GALNTL6: variants seen among roughly 807,000 people sequenced by gnomAD.
GALNTL6 encodes polypeptide N-acetylgalactosaminyltransferase-like 6.
GALNTL6 carries 46 observed loss-of-function variants against 73.7 expected under a neutral mutation model. That is an observed-to-expected ratio of 0.62 (90% confidence interval 0.49 to 0.80). The LOEUF (loss-of-function observed/expected upper bound fraction) is 0.80, where lower values mean the gene tolerates loss of function less well. GALNTL6 is among the 30% of genes least tolerant of loss of function. The pLI is 0.00. For synonymous variants in GALNTL6, 259 were observed against 263.7 expected (o/e 0.98, Z 0.17); for missense variants, 604 against 755.0 (o/e 0.80, Z 2.34).
chr4:172,638,076 C>T (rs1739778342), intron 5 of GALNTL6, among the ~76,000 whole-genome samples: 1 of 152,128 alleles, frequency 6.6e-6, no homozygotes, highest in Non-Finnish European at 1.5e-5. Context: ...AGCAGTGGCT[C>T]ATGTCTCCCA....
intron 2 of GALNTL6, among the ~76,000 whole-genome samples, chr4:172,017,389 C>T (rs1452817372): frequency 1.3e-5 from 2 of 152,096 alleles, no homozygotes; most frequent in African/African-American, 4.8e-5. Flanking sequence ...AGGCATGGAT[C>T]TGGAGTGTGC....
intron 11 of GALNTL6, among the ~76,000 whole-genome samples, chr4:173,019,208 G>A (rs1752895806): frequency 6.6e-6 from 1 of 152,234 alleles, no homozygotes; most frequent in Non-Finnish European, 1.5e-5. Flanking sequence ...GAACAAGGCA[G>A]AAGAGAAGAA....
At chr4:172,935,391 CAA>C (rs1188518004) in intron 9 of GALNTL6, among the ~76,000 whole-genome samples, 2 of 152,026 alleles carry the variant, frequency 1.3e-5, no homozygotes, top group African/African-American at 4.8e-5. Context: ...CAAGAGCAAA[CAA>C]ATTCAAAAGC....
Position 172,600,169 on chromosome 4 carries a change from G to A in GALNTL6, c.554-209192G>A, listed in dbSNP as rs562372762. On this transcript the variant is annotated intron_variant, in intron 5 of 12. Coordinates refer to ENST00000506823, the MANE Select transcript of GALNTL6 (RefSeq NM_001034845.3). ...ATAGCAAATAGTTGTAATTTTTAACGTTGAATTACATCAGCTCTGTAGCCA... is the reference window on the plus strand; with the variant it reads ...ATAGCAAATAGTTGTAATTTTTAACATTGAATTACATCAGCTCTGTAGCCA... Among the ~76,000 whole-genome samples the A allele has an allele frequency of 5.9e-5, 9 of 152,008 alleles. No individual in the cohort carries two copies. The South Asian group carries it at 6.2e-4, about 11-fold the overall frequency.
chr4:172,301,266 GTCTAA>G (rs200365088), intron 3 of GALNTL6, among the ~76,000 whole-genome samples: 2,835 of 152,180 alleles, frequency 0.019, 79 homozygotes, highest in African/African-American at 0.063. Context: ...TTAGCTATTT[GTCTAA>G]TCTTTTTTCA....
intron 5 of GALNTL6, among the ~76,000 whole-genome samples, chr4:172,764,839 A>G (rs1738315332): frequency 1.3e-5 from 2 of 152,224 alleles, no homozygotes; most frequent in Admixed American, 6.5e-5. Flanking sequence ...TTTGTCTTAT[A>G]TAGACTACTG....
At chr4:172,010,512 T>A (rs1402054668) in intron 2 of GALNTL6, among the ~76,000 whole-genome samples, 1 of 152,092 alleles carries the variant, frequency 6.6e-6, no homozygotes, top group Non-Finnish European at 1.5e-5. Flanking sequence ...TTTTTTTCAC[T>A]TGTCCAAATG....
chr4:172,814,299 G>A (rs1741478082), intron 7 of GALNTL6, among the ~76,000 whole-genome samples: 1 of 152,104 alleles, frequency 6.6e-6, no homozygotes, highest in Non-Finnish European at 1.5e-5. Flanking sequence ...CCTGTACAGA[G>A]AAGAATGTAC....
At chr4:172,677,137 TA>T (rs954516737) in intron 5 of GALNTL6, among the ~76,000 whole-genome samples, 10 of 151,306 alleles carry the variant, frequency 6.6e-5, no homozygotes, top group East Asian at 1.9e-4. Context: ...CAGAAATAAC[TA>T]AAAAAAAATA....
chr4:172,228,608 G>A (rs769399682), intron 2 of GALNTL6, among the ~76,000 whole-genome samples: 3 of 151,988 alleles, frequency 2.0e-5, no homozygotes, highest in Non-Finnish European at 4.4e-5. Flanking sequence ...TTACCTCACT[G>A]AAATTATTCA....
At chr4:172,052,491 G>A (rs1326976303) in intron 2 of GALNTL6, 1 of 1,535,246 alleles carries the variant, frequency 6.5e-7, no homozygotes, top group South Asian at 1.2e-5. Context: ...AGGAATCCAA[G>A]CATTAGTGCA....
At chr4:171,911,456 C>T (rs756794142) in intron 2 of GALNTL6, among the ~76,000 whole-genome samples, 14 of 152,286 alleles carry the variant, frequency 9.2e-5, no homozygotes, top group East Asian at 5.8e-4. Context: ...CCAGCCCCTC[C>T]GCTAAGCTTT....
At chr4:172,836,538 C>G (rs1742917695) in intron 7 of GALNTL6, among the ~76,000 whole-genome samples, 1 of 152,162 alleles carries the variant, frequency 6.6e-6, no homozygotes, top group Admixed American at 6.5e-5. Flanking sequence ...AAGTTGGATA[C>G]AGAAGCCCAG....
chr4:172,263,155 A>G (rs1738315179), intron 3 of GALNTL6, among the ~76,000 whole-genome samples: 1 of 151,300 alleles, frequency 6.6e-6, no homozygotes, highest in East Asian at 1.9e-4. Flanking sequence ...TTTTATTTGG[A>G]TGTCTAAATC....
intron 2 of GALNTL6, among the ~76,000 whole-genome samples, chr4:171,846,727 T>C (rs535343363): frequency 6.7e-6 from 1 of 149,514 alleles, no homozygotes; most frequent in African/African-American, 2.4e-5. Flanking sequence ...TATATATTTA[T>C]AGATATATAT....
chr4:172,629,791 G>A (rs1169932892), intron 5 of GALNTL6, among the ~76,000 whole-genome samples: 2 of 152,104 alleles, frequency 1.3e-5, no homozygotes, highest in Admixed American at 1.3e-4. Flanking sequence ...ATAAAATCCT[G>A]TGCACCTGGG....
intron 7 of GALNTL6, among the ~76,000 whole-genome samples, chr4:172,849,999 G>A (rs938722219): frequency 2.6e-5 from 4 of 152,216 alleles, no homozygotes; most frequent in East Asian, 1.9e-4. Flanking sequence ...TTCATACTAC[G>A]TGAGAGCATC....
chr4:172,264,587 T>TGCC lies in GALNTL6; in HGVS notation c.247+34823_247+34824insGCC, dbSNP rs1266161869. On this transcript the variant is annotated intron_variant, in intron 3 of 12. Transcript: ENST00000506823. The stretch of plus-strand genomic sequence containing the variant: ...ATATATATATATATATATATATATA[T>TGCC]ATATATTTGGCATATATATACACAT... 8.5e-3 allele frequency among the ~76,000 whole-genome samples: 740 copies of TGCC among 86,760 alleles called. 12 individuals carry two copies. Among genetic ancestry groups the TGCC allele is most frequent in the African/African-American group, 0.031 (698 of 22,530 alleles). 56.9% of individuals were successfully genotyped at this position (86,760 alleles called of 152,430 possible). A position where few individuals can be genotyped will look rare whatever the true frequency, so the allele number is the denominator to read the frequency against.
At chr4:172,135,196 ATTAG>A (rs1217048554) in intron 2 of GALNTL6, among the ~76,000 whole-genome samples, 1 of 152,170 alleles carries the variant, frequency 6.6e-6, no homozygotes, top group Non-Finnish European at 1.5e-5. Flanking sequence ...ATTTTGATAT[ATTAG>A]TTTTTATTTT....
Sources: gnomAD v4.1 joint callset for allele counts (sites outside exome capture counted in the v4.1 genomes callset) on GRCh38, gnomAD v4.1.1 for gene constraint, MANE v1.5 for transcripts, NCBI Gene and HGNC (gene_info 2026-07-23, HGNC 2026-07-21) for gene names.